The following MEIS1 variants were observed in gnomAD, a reference collection of about 807,000 sequenced individuals.
MEIS1 encodes Meis homeobox 1.
Under a neutral mutation model 50.8 loss-of-function variants are expected in MEIS1, and 5 were observed. The observed-to-expected ratio is 0.10, with a 90% CI of 0.05 to 0.21. MEIS1 has a LOEUF of 0.21. Among genes scored for constraint, MEIS1 ranks in the 10% least tolerant of loss-of-function variants. MEIS1 has a pLI of 1.00. For synonymous variants in MEIS1, 176 were observed against 179.3 expected, an observed-to-expected ratio of 0.98 and a Z score of 0.15; for missense variants, 318 against 517.3, an observed-to-expected ratio of 0.61 and a Z score of 3.74.
At chr2:66,455,164 CTCT>C (rs1247148302) in intron 6 of MEIS1, among the ~76,000 whole-genome samples, 3 of 152,298 alleles carry the variant, frequency 2.0e-5, no homozygotes, top group East Asian at 3.9e-4. Context: ...TTTATCTTCT[CTCT>C]TCTTAAGATT....
At position 66,565,759 on chromosome 2, in the gene MEIS1, T is replaced by C; in HGVS notation, c.966-1694T>C. 1.3e-5 allele frequency among the ~76,000 whole-genome samples: 2 copies of C among 152,176 alleles called. 1 individual carries two copies. Among genetic ancestry groups the C allele is most frequent in the East Asian group, 3.9e-4 (2 of 5,182 alleles). ...AGACAGAATTCCTTCCCTCTAAGAG[T>C]CTGCAGATAATGAACAGTACCATAG... On this transcript the variant is annotated intron_variant, in intron 9 of 12. Coordinates refer to ENST00000272369, the MANE Select transcript of MEIS1 (RefSeq NM_002398.3).
chr2:66,464,352 A>C, intron 7 of MEIS1, 132 bp downstream of exon 7: 1 of 727,330 alleles, frequency 1.4e-6, no homozygotes, highest in Non-Finnish European at 2.4e-6. Context: ...GAATCAGCTC[A>C]TCTTATTTTA....
At chr2:66,563,875 T>G (rs1279273948) in intron 9 of MEIS1, among the ~76,000 whole-genome samples, 1 of 152,158 alleles carries the variant, frequency 6.6e-6, no homozygotes, top group East Asian at 1.9e-4. Context: ...TCTGGGATAA[T>G]GATAAAATAC....
chr2:66,525,485 T>C (rs1674227821), intron 8 of MEIS1, among the ~76,000 whole-genome samples: 1 of 152,230 alleles, frequency 6.6e-6, no homozygotes, highest in African/African-American at 2.4e-5. Context: ...TTTTATACTT[T>C]GATTTTGCCC....
intron 12 of MEIS1, chr2:66,569,386 CAAG>C (rs1675428918): frequency 3.6e-6 from 1 of 281,604 alleles, no homozygotes; most frequent in African/African-American, 2.2e-5. Flanking sequence ...CATGACAAAA[CAAG>C]AAGCAGTCAG....
At chr2:66,555,864 T>C (rs1386009439) in intron 9 of MEIS1, among the ~76,000 whole-genome samples, 1 of 152,152 alleles carries the variant, frequency 6.6e-6, no homozygotes, top group Non-Finnish European at 1.5e-5. Flanking sequence ...CCTGGTTGAA[T>C]AGAACAGTTT....
intron 7 of MEIS1, among the ~76,000 whole-genome samples, chr2:66,478,324 A>G (rs1029043413): frequency 2.0e-5 from 3 of 152,232 alleles, no homozygotes; most frequent in South Asian, 2.1e-4. Context: ...CTCATTTTCC[A>G]TAACTGAAAT....
At chr2:66,459,855 G>A (rs1215889007) in intron 6 of MEIS1, among the ~76,000 whole-genome samples, 4 of 152,112 alleles carry the variant, frequency 2.6e-5, no homozygotes, top group African/African-American at 4.8e-5. Flanking sequence ...GTCCACTTTC[G>A]GACTTCTTGA....
chr2:66,438,230 G>T (rs149601348), intron 2 of MEIS1, among the ~76,000 whole-genome samples: 1 of 152,338 alleles, frequency 6.6e-6, no homozygotes, highest in African/African-American at 2.4e-5. Flanking sequence ...TGGCTAAAGG[G>T]CCCTTGTCCC....
chr2:66,539,810 CTT>C (rs1674608117), intron 8 of MEIS1, among the ~76,000 whole-genome samples: 1 of 152,218 alleles, frequency 6.6e-6, no homozygotes, highest in South Asian at 2.1e-4. Flanking sequence ...GATGAACTAA[CTT>C]TCCCTGACAG....
rs561922304 is a variant in MEIS1, at chr2:66,435,289, G to A, written c.-568G>A. ...CCTTCCAGTGCAGCACTTGCAAAGA[G>A]GGAGAGAGAGGGAGAGAAAGAAAGA... On this transcript the variant is annotated 5_prime_UTR_variant, in exon 1 of 13. Transcript: ENST00000272369. 54 of 154,554 alleles carry A rather than the reference G, an allele frequency of 3.5e-4. No individual in the cohort carries two copies. The highest frequency in any genetic ancestry group is 8.4e-4 in the African/African-American group (35 of 41,680). The allele number at this position is 154,554 out of a possible 1,614,324, so 9.6% of individuals were successfully genotyped here.
Position 66,571,997 on chromosome 2 carries a change from C to T in MEIS1, c.*789C>T, listed in dbSNP as rs149727570. 112 of 166,124 alleles carry T rather than the reference C, an allele frequency of 6.7e-4. 3 individuals carry two copies. In the East Asian group the frequency reaches 0.017, roughly 25 times the overall value. The allele number at this position is 166,124 out of a possible 1,614,324, so 10.3% of individuals were successfully genotyped here. A position where few individuals can be genotyped will look rare whatever the true frequency, so the allele number is the denominator to read the frequency against. ...TCTCGCCTAGGATTTCAGCCATGCG[C>T]GCGCTCTCTCTCTTTCTCTCTCTTT... is the stretch of plus-strand genomic sequence containing the variant. On this transcript the variant is annotated 3_prime_UTR_variant, in exon 13 of 13. Transcript: ENST00000272369.
intron 7 of MEIS1, among the ~76,000 whole-genome samples, chr2:66,506,359 C>T (rs894070521): frequency 2.6e-5 from 4 of 151,950 alleles, no homozygotes; most frequent in African/African-American, 4.8e-5. Flanking sequence ...GGGAAGCAAG[C>T]GAAGACTGCT....
chr2:66,451,235 A>C (rs1672269876), intron 6 of MEIS1, among the ~76,000 whole-genome samples: 1 of 152,104 alleles, frequency 6.6e-6, no homozygotes, highest in African/African-American at 2.4e-5. Context: ...TAAAAGCCTA[A>C]ATGTTTATTT....
rs562252931 is a variant in MEIS1, at chr2:66,532,939, GT to G, written c.889-14996del. On this transcript the variant is annotated intron_variant, in intron 8 of 12. Transcript: ENST00000272369. ...TTTAAGAGAACTAAAAAAGAAGACA[GT>G]TTTTTTTATCCAAAATCCTGCCATC... 6.6e-5 allele frequency among the ~76,000 whole-genome samples: 10 copies of G among 152,132 alleles called. No individual in the cohort carries two copies. In the East Asian group the frequency reaches 1.4e-3, roughly 21 times the overall value.
chr2:66,506,016 C>T (rs1335293180), intron 7 of MEIS1, among the ~76,000 whole-genome samples: 2 of 152,154 alleles, frequency 1.3e-5, no homozygotes, highest in African/African-American at 4.8e-5. Context: ...TTTCTTCCTA[C>T]AGCGAAAAAG....
At chr2:66,451,247 C>T (rs529955231) in intron 6 of MEIS1, among the ~76,000 whole-genome samples, 2 of 152,204 alleles carry the variant, frequency 1.3e-5, no homozygotes, top group African/African-American at 4.8e-5. Flanking sequence ...TGTTTATTTT[C>T]AGCAACTGTA....
chr2:66,475,695 A>G (rs539261533), intron 7 of MEIS1, among the ~76,000 whole-genome samples: 40 of 152,334 alleles, frequency 2.6e-4, no homozygotes, highest in African/African-American at 9.6e-4. Flanking sequence ...TTCTCCTCGT[A>G]TCCTCACACA....
intron 7 of MEIS1, among the ~76,000 whole-genome samples, chr2:66,498,896 T>C (rs1673478721): frequency 6.6e-6 from 1 of 152,198 alleles, no homozygotes; most frequent in African/African-American, 2.4e-5. Flanking sequence ...AAAGCTGCAT[T>C]TTAACAAGAT....
Sources: gnomAD v4.1 joint callset for allele counts (sites outside exome capture counted in the v4.1 genomes callset) on GRCh38, gnomAD v4.1.1 for gene constraint, MANE v1.5 for transcripts, NCBI Gene and HGNC (gene_info 2026-07-23, HGNC 2026-07-21) for gene names.